Variants in ATP8B3 observed in about 807,000 individuals in gnomAD.
ATP8B3 encodes the protein phospholipid-transporting ATPase IK.
Under a neutral mutation model 140.9 loss-of-function variants are expected in ATP8B3, and 141 were observed. The observed-to-expected ratio is 1.00, with a 90% CI of 0.87 to 1.15. ATP8B3 has a LOEUF of 1.15. ATP8B3 is among the 50% of genes most tolerant of loss of function. The probability of loss-of-function intolerance (pLI) is 0.00; values close to 1 mark genes in which losing one functional copy is unlikely to be tolerated. For synonymous variants in ATP8B3, 765 were observed against 714.6 expected (o/e 1.07, Z -1.13); for missense variants, 1,874 against 1,740.6 (o/e 1.08, Z -1.36).
chr19:1,808,261 G>T lies in ATP8B3; in HGVS notation c.477C>A (p.Arg159=), dbSNP rs140309498. Residue 159 remains arginine (R), a synonymous_variant, in exon 5 of 29, where the codon CGC becomes CGA. Coordinates refer to ENST00000310127, the MANE Select transcript of ATP8B3 (RefSeq NM_138813.4). ...TGATGAGGAAGAACAGGTTGGACACGCGGTGGAACTGCTCGTACAGGTTCA... is the reference window on the plus strand; with the variant it reads ...TGATGAGGAAGAACAGGTTGGACACTCGGTGGAACTGCTCGTACAGGTTCA... ...LPLNLYEQFH[R]VSNLFFLIII... is the part of the protein sequence containing the mutation. The T allele has an allele frequency of 7.4e-5, 120 of 1,613,038 alleles. No homozygotes were observed. The East Asian group carries it at 2.5e-3, about 33-fold the overall frequency.
In ATP8B3 at chr19:1,782,358, G is replaced by T. The variant is rs1190740164; in HGVS notation, c.*670C>A. ...TGCTCCTCTGGGGGCAAGGATAGCT[G>T]CTCCTCCCCGGGCACCAGCAGCCAC... On this transcript the variant is annotated 3_prime_UTR_variant, in exon 29 of 29. Transcript: ENST00000310127. 3.6e-6 allele frequency: 1 copy of T among 280,130 alleles called. No individual in the cohort carries two copies. The highest frequency in any genetic ancestry group is 6.6e-6 in the Non-Finnish European group (1 of 151,206). The allele number at this position is 280,130 out of a possible 1,614,324, so 17.4% of individuals were successfully genotyped here.
intron 11 of ATP8B3, 92 bp from the exon 12 acceptor site, chr19:1,802,136 T>G (rs1208811258): frequency 2.2e-6 from 1 of 465,112 alleles, no homozygotes; most frequent in Non-Finnish European, 3.0e-6. Context: ...CCCCCACTCA[T>G]CCACCCACCT....
chr19:1,802,344 T>C, intron 11 of ATP8B3, 143 bp downstream of exon 11: 1 of 331,070 alleles, frequency 3.0e-6, no homozygotes, highest in Non-Finnish European at 5.0e-6. Flanking sequence ...CACCCACCCA[T>C]CTGCCCATCT....
rs2041528875 is a variant in ATP8B3, at chr19:1,807,580, C to G, written c.517-314G>C. 6.6e-6 allele frequency among the ~76,000 whole-genome samples: 1 copy of G among 152,230 alleles called. No individual in the cohort carries two copies. Among genetic ancestry groups the G allele is most frequent in the Non-Finnish European group, 1.5e-5 (1 of 68,038 alleles). On this transcript the variant is annotated intron_variant, in intron 5 of 28. Coordinates refer to ENST00000310127, the MANE Select transcript of ATP8B3 (RefSeq NM_138813.4). This position sits in a 1 kb window ranked among gnomAD's most constrained non-coding sequence, Gnocchi z 5.9. ...AGCTTGGCCGCCACTGCTCCCCCTCCCTCCCATGTCCCTGCTTCCCCAGGT... is the reference window on the plus strand; with the variant it reads ...AGCTTGGCCGCCACTGCTCCCCCTCGCTCCCATGTCCCTGCTTCCCCAGGT...
Position 1,785,566 on chromosome 19 carries a change from C to G in ATP8B3, c.3296G>C (p.Trp1099Ser). Residue 1099 changes from tryptophan to serine, a missense_variant, in exon 26 of 29, where the codon TGG (tryptophan) becomes TCG (serine). Physicochemically the swap from Trp to Ser is radical, Grantham distance 177. This residue lies in a region of ATP8B3 where 840 missense variants were observed against 760.9 expected (regional missense o/e 1.10). Transcript: ENST00000310127. Reference sequence around the variant, plus strand: ...GGGTCCCGCCGTGTCGCGGCTGATCCACAGTGTCATGAAGAAGTTGACCAG... The same window carrying G: ...GGGTCCCGCCGTGTCGCGGCTGATCGACAGTGTCATGAAGAAGTTGACCAG... The part of the protein sequence containing the change: ...TSLVNFFMTL[W>S]ISRDTAGPAS... 6.2e-7 allele frequency: 1 copy of G among 1,613,084 alleles called. No individual in the cohort carries two copies.
chr19:1,795,784 TAC>T (rs10526864), intron 18 of ATP8B3, 89 bp downstream of exon 18: 23,168 of 885,060 alleles, frequency 0.026, 186 homozygotes, highest in South Asian at 0.045. Context: ...CTCCTGTCCC[TAC>T]ACACACACAC....
At chr19:1,788,818 G>T in intron 24 of ATP8B3, 79 bp downstream of exon 24, 3 of 1,358,682 alleles carry the variant, frequency 2.2e-6, no homozygotes, top group Non-Finnish European at 2.0e-6. Context: ...GTGCGTCCAG[G>T]GCTGCTCCTG....
At position 1,800,448 on chromosome 19, in the gene ATP8B3, A is replaced by G. The variant is rs755476971; in HGVS notation, c.1154T>C (p.Ile385Thr). 8.1e-6 allele frequency: 13 copies of G among 1,597,420 alleles called. No individual in the cohort carries two copies. The East Asian group carries it at 2.7e-4, about 34-fold the overall frequency. ...DLLMNKLVVV[I>T]FISVVLVCLV... ...GCAGACAAGCACCACGGAGATGAAGATCTGGAAGGCAGACGCGACAGGGTG... is the reference window on the plus strand; with the variant it reads ...GCAGACAAGCACCACGGAGATGAAGGTCTGGAAGGCAGACGCGACAGGGTG... The change falls in exon 13 of 29, where the codon ATC (isoleucine) becomes ACC (threonine). Residue 385 changes from isoleucine to threonine, a missense_variant and splice_region_variant. Coordinates refer to ENST00000310127, the MANE Select transcript of ATP8B3 (RefSeq NM_138813.4). The surrounding 1 kb of genome is among the most constrained non-coding windows in gnomAD (Gnocchi z 4.4).
At position 1,785,520 on chromosome 19, in the gene ATP8B3, C is replaced by T; in HGVS notation, c.3342G>A (p.Gln1114=). 2 of 1,613,068 alleles carry T rather than the reference C, an allele frequency of 1.2e-6. No homozygotes were observed. Among genetic ancestry groups the T allele is most frequent in the South Asian group, 1.1e-5 (1 of 91,086 alleles). The change falls in exon 26 of 29, where the codon CAG becomes CAA. Residue 1114 remains glutamine (Q), a synonymous_variant. Transcript: ENST00000310127. ...TAGPASFSDH[Q]SFAVVVALSC... ...ACAGGGCCACCACGACCGCAAAGGA[C>T]TGGTGGTCGCTGAAGCTGGCGGGTC...
In ATP8B3 at chr19:1,783,185, C is replaced by T. The variant is rs373736995; in HGVS notation, c.3746G>A (p.Arg1249His). 31 of 1,613,098 alleles carry T rather than the reference C, an allele frequency of 1.9e-5. No homozygotes were observed. The highest frequency in any genetic ancestry group is 4.5e-5 in the East Asian group (2 of 44,872). The change falls in exon 29 of 29, where the codon CGT becomes CAT. Residue 1249 changes from arginine to histidine, a missense_variant. Arg to His is a conservative substitution (Grantham distance 29, BLOSUM62 0). This residue lies in a region of ATP8B3 where 840 missense variants were observed against 760.9 expected (regional missense o/e 1.10). Coordinates refer to ENST00000310127, the MANE Select transcript of ATP8B3 (RefSeq NM_138813.4). ...ACGGTGGGAGAAAGCATAGCTGGAA[C>T]GGCGGGCACGAGACTCCCGGTGTAC... ...PHVHRESRAR[R>H]SSYAFSHREG... is the part of the protein sequence containing the mutation.
Position 1,784,923 on chromosome 19 carries a change from A to G in ATP8B3, c.3556T>C (p.Ser1186Pro). The G allele has an allele frequency of 6.2e-7, 1 of 1,612,236 alleles. No homozygotes were observed. Among genetic ancestry groups the G allele is most frequent in the Non-Finnish European group, 8.5e-7 (1 of 1,179,128 alleles). The change falls in exon 28 of 29, where the codon TCT becomes CCT. Residue 1186 changes from serine (S) to proline (P), a missense_variant. Physicochemically the swap from Ser to Pro is moderately conservative, Grantham distance 74 (BLOSUM62 -1). Transcript: ENST00000310127. ...AGGACCACCAGCAGGATGGAGGGAG[A>G]GGACATCACGCTGAGGTCGGCATCT... ...FLYADLSVMSSPSILLVVLLS... is the reference protein window; with the variant it reads ...FLYADLSVMSPPSILLVVLLS...
In ATP8B3 at chr19:1,805,654, G is replaced by C. The variant is rs2068988041; in HGVS notation, c.822-198C>G. Among the ~76,000 whole-genome samples the C allele has an allele frequency of 6.7e-6, 1 of 149,464 alleles. No homozygotes were observed. Among genetic ancestry groups the C allele is most frequent in the Non-Finnish European group, 1.5e-5 (1 of 66,814 alleles). ...GCACATTTGCAAAGTGCTGAGGCCA[G>C]GGCCTAGGGCCTAGGGCCTCCTGCC... On this transcript the variant is annotated intron_variant, in intron 9 of 28. Transcript: ENST00000310127. The surrounding 1 kb of genome is among the most constrained non-coding windows in gnomAD (Gnocchi z 5.2).
intron 15 of ATP8B3, 45 bp downstream of exon 15, chr19:1,796,928 GC>G: frequency 6.2e-7 from 1 of 1,611,992 alleles, no homozygotes; most frequent in African/African-American, 1.3e-5. Flanking sequence ...CGCTCCCCGT[GC>G]CCCGTCCCCC....
At chr19:1,796,308 C>T (rs767200668) in intron 16 of ATP8B3, 43 bp from the exon 17 acceptor site, 97 of 1,512,684 alleles carry the variant, frequency 6.4e-5, no homozygotes, top group Non-Finnish European at 8.5e-5. Flanking sequence ...TGGTGGAGCC[C>T]GTCTCCATCT....
chr19:1,800,133 TC>T lies in ATP8B3; in HGVS notation c.1365del (p.Asn456ThrfsTer50). 2 of 1,559,260 alleles carry T rather than the reference TC, an allele frequency of 1.3e-6. No individual in the cohort carries two copies. The highest frequency in any genetic ancestry group is 2.4e-5 in the East Asian group (1 of 41,924). ...ACGTCCCAGTCGATGAAGACGCTGT[TC>T]CCCAGGTAGATGAACTCGGACCTGC... The part of the protein sequence containing the change: ...MFILSEFIYL[G>X]NSVFIDWDVQ... On this transcript the variant is annotated frameshift_variant, in exon 14 of 29. Coordinates refer to ENST00000310127, the MANE Select transcript of ATP8B3 (RefSeq NM_138813.4). LOFTEE classifies it high-confidence loss of function. The surrounding 1 kb of genome is among the most constrained non-coding windows in gnomAD (Gnocchi z 4.4).
chr19:1,800,799 T>C lies in ATP8B3; in HGVS notation c.1153-350A>G, dbSNP rs1331622004. Among the ~76,000 whole-genome samples, 1 of 150,758 alleles carries C rather than the reference T, an allele frequency of 6.6e-6. No homozygotes were observed. Among genetic ancestry groups the C allele is most frequent in the Admixed American group, 6.6e-5 (1 of 15,058 alleles). On this transcript the variant is annotated intron_variant, in intron 12 of 28. Transcript: ENST00000310127. This position sits in a 1 kb window ranked among gnomAD's most constrained non-coding sequence, Gnocchi z 4.4. ...CGCCACTGCACTCCATCCTGGGCAA[T>C]AGAGTGAGATAGAAAAACTTTTTTT...
In ATP8B3 at chr19:1,782,908, G is replaced by T; in HGVS notation, c.*120C>A. The T allele has an allele frequency of 7.6e-7, 1 of 1,323,428 alleles. No individual in the cohort carries two copies. The highest frequency in any genetic ancestry group is 1.0e-6 in the Non-Finnish European group (1 of 977,878). 82.0% of individuals were successfully genotyped at this position (1,323,428 alleles called of 1,614,324 possible). On this transcript the variant is annotated 3_prime_UTR_variant, in exon 29 of 29. Coordinates refer to ENST00000310127, the MANE Select transcript of ATP8B3 (RefSeq NM_138813.4). ...CAGGTTGGTTTTCTGGATGAAGAGC[G>T]GATTGTCTATCCATAGAAAATGATG... is the stretch of plus-strand genomic sequence containing the variant.
At chr19:1,785,755 A>G (rs1222153524) in intron 25 of ATP8B3, 47 bp from the exon 26 acceptor site, 2 of 1,435,272 alleles carry the variant, frequency 1.4e-6, no homozygotes, top group South Asian at 1.2e-5. Context: ...GGCGGGGGAC[A>G]CCCAACAGAG....
intron 2 of ATP8B3, 29 bp from the exon 3 acceptor site, chr19:1,810,712 G>A (rs2069165260): frequency 6.2e-7 from 1 of 1,605,084 alleles, no homozygotes. Context: ...CCGGGTCACA[G>A]CAGTGACCCC....
Sources: gnomAD v4.1 joint callset for allele counts (sites outside exome capture counted in the v4.1 genomes callset) on GRCh38, gnomAD v4.1.1 for gene constraint, gnomAD v4.1.1 regional missense constraint, Gnocchi (gnomAD v3.1) non-coding constraint, MANE v1.5 for transcripts, NCBI Gene and HGNC (gene_info 2026-07-23, HGNC 2026-07-21) for gene names.